The following ACOT13 variants were observed in gnomAD, a reference collection of about 807,000 sequenced individuals.
The protein encoded by ACOT13 is acyl-CoA thioesterase 13.
ACOT13 carries 10 observed loss-of-function variants against 11.8 expected under a neutral mutation model. The ratio of observed to expected loss-of-function variants is 0.85; its 90% CI spans 0.53 to 1.44. The LOEUF is 1.44. Ranked by LOEUF, ACOT13 falls within the 40% of genes most tolerant of loss-of-function variation. The pLI is 0.00. For missense variants in ACOT13, 172 were observed against 174.1 expected (o/e 0.99, Z 0.07); for synonymous variants, 53 against 61.0 (o/e 0.87, Z 0.61).
Position 24,701,453 on chromosome 6 carries a change from T to G in ACOT13, c.267-6T>G. 2 of 1,600,220 alleles carry G rather than the reference T, an allele frequency of 1.2e-6. No homozygotes were observed. The highest frequency in any genetic ancestry group is 1.7e-6 in the Non-Finnish European group (2 of 1,172,684). On this transcript the variant is annotated splice_polypyrimidine_tract_variant and splice_region_variant and intron_variant, in intron 2 of 2. Coordinates refer to ENST00000230048, the MANE Select transcript of ACOT13 (RefSeq NM_018473.4). ...CTGCTGTTAACTATATTCATTTTCT[T>G]TCAAGGTACATGTCACCTGCAAAAT...
intron 1 of ACOT13, among the ~76,000 whole-genome samples, chr6:24,691,508 G>C (rs1281353572): frequency 6.6e-6 from 1 of 152,174 alleles, no homozygotes; most frequent in Non-Finnish European, 1.5e-5. Flanking sequence ...AAGATAGAGA[G>C]TATTGGTGCA....
intron 1 of ACOT13, among the ~76,000 whole-genome samples, chr6:24,680,119 G>A (rs1778523609): frequency 6.6e-6 from 1 of 152,108 alleles, no homozygotes; most frequent in Non-Finnish European, 1.5e-5. Flanking sequence ...TTCCTGTAGG[G>A]CATAAACCAC....
chr6:24,689,447 C>T (rs1778689011), intron 1 of ACOT13, among the ~76,000 whole-genome samples: 1 of 151,898 alleles, frequency 6.6e-6, no homozygotes, highest in African/African-American at 2.4e-5. Context: ...AATAGAGAGA[C>T]CCCATCTCTA....
rs1271590126 is a variant in ACOT13, at chr6:24,704,123, CTA to C, written c.*2509_*2510del. 2 of 152,084 alleles carry C rather than the reference CTA, an allele frequency of 1.3e-5. No homozygotes were observed. The highest frequency in any genetic ancestry group is 2.4e-5 in the African/African-American group (1 of 41,398). The allele number at this position is 152,084 out of a possible 1,614,324, so 9.4% of individuals were successfully genotyped here. A position where few individuals can be genotyped will look rare whatever the true frequency, so the allele number is the denominator to read the frequency against. ...ATTCCCTGAGTTTGGTAATTTTACT[CTA>C]GTTATATGAAATATTCTTGTACTTG... is the stretch of plus-strand genomic sequence containing the variant. On this transcript the variant is annotated 3_prime_UTR_variant, in exon 3 of 3. Transcript: ENST00000230048.
intron 1 of ACOT13, chr6:24,687,286 A>G (rs1453772182): frequency 7.6e-6 from 2 of 262,078 alleles, no homozygotes; most frequent in Non-Finnish European, 1.2e-5. Context: ...GGTACTTCAT[A>G]TAAGTGGATA....
intron 2 of ACOT13, among the ~76,000 whole-genome samples, chr6:24,700,688 G>A (rs1288916368): frequency 6.6e-6 from 1 of 151,920 alleles, no homozygotes; most frequent in Non-Finnish European, 1.5e-5. Context: ...TGCCCACCTC[G>A]GCCTCCCAAA....
intron 1 of ACOT13, among the ~76,000 whole-genome samples, chr6:24,678,577 C>T (rs1343552141): frequency 6.6e-6 from 1 of 152,118 alleles, no homozygotes; most frequent in Non-Finnish European, 1.5e-5. Context: ...TTTGCTCATC[C>T]ATATTGTCCT....
At chr6:24,668,440 C>CA (rs17249841) in intron 1 of ACOT13, among the ~76,000 whole-genome samples, 2,451 of 152,266 alleles carry the variant, frequency 0.016, 62 homozygotes, top group African/African-American at 0.055. Context: ...AGGCTGGTCT[C>CA]AAACTGCTGA....
At chr6:24,680,147 G>A (rs1472793130) in intron 1 of ACOT13, among the ~76,000 whole-genome samples, 2 of 152,048 alleles carry the variant, frequency 1.3e-5, no homozygotes, top group Non-Finnish European at 2.9e-5. Context: ...ACATAATTGC[G>A]AGTTGTCTCT....
At chr6:24,699,799 T>C (rs1778864074) in intron 2 of ACOT13, among the ~76,000 whole-genome samples, 1 of 152,148 alleles carries the variant, frequency 6.6e-6, no homozygotes, top group African/African-American at 2.4e-5. Context: ...TAGCACTGCA[T>C]TTCATGATCT....
intron 1 of ACOT13, among the ~76,000 whole-genome samples, chr6:24,671,191 A>G (rs1323142600): frequency 5.3e-5 from 8 of 152,218 alleles, no homozygotes; most frequent in Non-Finnish European, 1.2e-4. Flanking sequence ...TATTCACCAT[A>G]GCAAAGACTT....
intron 1 of ACOT13, chr6:24,687,438 A>G (rs1401473658): frequency 2.4e-6 from 3 of 1,229,976 alleles, no homozygotes; most frequent in Non-Finnish European, 3.1e-6. Flanking sequence ...GGGAATATCA[A>G]CTGACACGCA....
At chr6:24,686,788 C>T (rs2127625408) in intron 1 of ACOT13, among the ~76,000 whole-genome samples, 1 of 152,162 alleles carries the variant, frequency 6.6e-6, no homozygotes, top group East Asian at 1.9e-4. Context: ...GCAGCCTCAA[C>T]CTCCTGGGCT....
chr6:24,681,176 CT>C lies in ACOT13; in HGVS notation c.81+13837del, dbSNP rs1441714492. 6.8e-4 allele frequency among the ~76,000 whole-genome samples: 42 copies of C among 61,598 alleles called. No homozygotes were observed. The South Asian group carries it at 0.016, about 23-fold the overall frequency. 40.4% of individuals were successfully genotyped at this position (61,598 alleles called of 152,430 possible). On this transcript the variant is annotated intron_variant, in intron 1 of 2. Transcript: ENST00000230048. The stretch of plus-strand genomic sequence containing the variant: ...TAAGATTTTTGATTTAGTAAGCTAC[CT>C]TTTTGCTTTTTTTTTAACTTAGAAT...
At chr6:24,687,824 G>A (rs556198299) in intron 1 of ACOT13, 13 of 935,852 alleles carry the variant, frequency 1.4e-5, no homozygotes, top group Non-Finnish European at 2.0e-5. Context: ...TATTTCTCCT[G>A]CTTCAGCCTC....
In ACOT13 at chr6:24,703,968, ACTG is replaced by A. The variant is rs1485499930; in HGVS notation, c.*2354_*2356del. ...TCATGGAACACATAAAGGCTAAGGA[ACTG>A]TTCCACATTAAAGACAACTGAGAAC... On this transcript the variant is annotated 3_prime_UTR_variant, in exon 3 of 3. Transcript: ENST00000230048. The A allele has an allele frequency of 6.6e-6, 1 of 152,210 alleles. No homozygotes were observed. Among genetic ancestry groups the A allele is most frequent in the Non-Finnish European group, 1.5e-5 (1 of 68,036 alleles). 9.4% of individuals were successfully genotyped at this position (152,210 alleles called of 1,614,324 possible).
In ACOT13 at chr6:24,701,729, T is replaced by C. The variant is rs1778896360; in HGVS notation, c.*114T>C. 2 of 1,177,048 alleles carry C rather than the reference T, an allele frequency of 1.7e-6. No homozygotes were observed. Among genetic ancestry groups the C allele is most frequent in the Non-Finnish European group, 2.3e-6 (2 of 863,800 alleles). 72.9% of individuals were successfully genotyped at this position (1,177,048 alleles called of 1,614,324 possible). ...CAAAACCAGAAGCAGCTAGAAATAT[T>C]CTTGGAGGAAAAGGACCTGGATATC... On this transcript the variant is annotated 3_prime_UTR_variant, in exon 3 of 3. Transcript: ENST00000230048.
intron 1 of ACOT13, among the ~76,000 whole-genome samples, chr6:24,695,809 C>T (rs1582445537): frequency 6.6e-6 from 1 of 152,048 alleles, no homozygotes; most frequent in African/African-American, 2.4e-5. Context: ...GCTCACGACT[C>T]TAATCCCAGC....
chr6:24,674,751 C>CT (rs1440110111), intron 1 of ACOT13, among the ~76,000 whole-genome samples: 2 of 152,082 alleles, frequency 1.3e-5, no homozygotes, highest in Non-Finnish European at 2.9e-5. Flanking sequence ...TCTTATTATA[C>CT]TTTAAGTTCT....
Sources: gnomAD v4.1 joint callset for allele counts (sites outside exome capture counted in the v4.1 genomes callset) on GRCh38, gnomAD v4.1.1 for gene constraint, MANE v1.5 for transcripts, NCBI Gene and HGNC (gene_info 2026-07-23, HGNC 2026-07-21) for gene names.